BACH2: variants seen among roughly 807,000 people sequenced by gnomAD.
BACH2 encodes BACH transcriptional regulator 2, also known as transcription regulator protein BACH2.
Under a neutral mutation model 61.8 loss-of-function variants are expected in BACH2, and 5 were observed. The ratio of observed to expected loss-of-function variants is 0.08; its 90% CI spans 0.04 to 0.17. BACH2 has a LOEUF of 0.17. Among genes scored for constraint, BACH2 ranks in the 10% least tolerant of loss-of-function variants. The pLI is 1.00. For missense variants in BACH2, 824 were observed against 1,091.1 expected (o/e 0.76, Z 3.45); for synonymous variants, 446 against 440.1 (o/e 1.01, Z -0.17).
intron 3 of BACH2, among the ~76,000 whole-genome samples, chr6:90,211,615 T>TGC (rs1403121474): frequency 6.6e-6 from 1 of 151,382 alleles, no homozygotes; most frequent in East Asian, 1.9e-4. Context: ...TGTGTGTGTG[T>TGC]GTGTGTGTGT....
At chr6:90,003,199 C>T (rs543824473) in intron 6 of BACH2, among the ~76,000 whole-genome samples, 41 of 152,302 alleles carry the variant, frequency 2.7e-4, no homozygotes, top group African/African-American at 8.2e-4. Flanking sequence ...GTGAGGTGCA[C>T]AGTCTGGACC....
intron 1 of BACH2, among the ~76,000 whole-genome samples, chr6:90,282,521 T>TATGTACCAC (rs137957175): frequency 1.7e-3 from 255 of 152,302 alleles, no homozygotes; most frequent in African/African-American, 5.2e-3. Context: ...TTCCATGGTG[T>TATGTACCAC]ATGTACCACA....
chr6:90,011,351 T>C (rs1435025088), intron 5 of BACH2, among the ~76,000 whole-genome samples: 1 of 152,238 alleles, frequency 6.6e-6, no homozygotes, highest in Non-Finnish European at 1.5e-5. Flanking sequence ...TGAAAATCAG[T>C]TGTTTTTACA....
At chr6:90,214,752 T>C (rs1441843123) in intron 3 of BACH2, among the ~76,000 whole-genome samples, 1 of 63,954 alleles carries the variant, frequency 1.6e-5, no homozygotes, top group Non-Finnish European at 2.6e-5. Flanking sequence ...ATTCTGTTCC[T>C]TTTTTTTTTT....
rs547037033 is a variant in BACH2 at position 90,130,185 on chromosome 6, G to A, written c.-161-41076C>T. ...GGTGCCTGGCCAGCTTTTGGGATTT[G>A]TTAGAGTACACCGTTGACTGGTGGA... is the stretch of plus-strand genomic sequence containing the variant. On this transcript the variant is annotated intron_variant, in intron 4 of 8. Transcript: ENST00000257749. Among the ~76,000 whole-genome samples the A allele has an allele frequency of 3.5e-4, 53 of 152,128 alleles. 1 individual carries two copies. In the South Asian group the frequency reaches 0.011, roughly 31 times the overall value.
In BACH2 at chr6:89,932,669, A is replaced by G. The variant is rs773849871; in HGVS notation, c.2265T>C (p.Ile755=). ...CCCCCACTGCGCATTGGGAGGCCGC[A>G]ATGTTCTGCTCAGCACCCAAGGGCG... ...NPAPLGAEQN[I]AASQCAVGEN... The change falls in exon 9 of 9, where the codon ATT becomes ATC. Residue 755 remains isoleucine (I), a synonymous_variant. Coordinates refer to ENST00000257749, the MANE Select transcript of BACH2 (RefSeq NM_021813.4). 4 of 1,614,088 alleles carry G rather than the reference A, an allele frequency of 2.5e-6. No homozygotes were observed. The highest frequency in any genetic ancestry group is 3.4e-6 in the Non-Finnish European group (4 of 1,179,996).
At chr6:90,274,714 GAAAAA>G (rs1432477302) in intron 1 of BACH2, among the ~76,000 whole-genome samples, 1 of 152,182 alleles carries the variant, frequency 6.6e-6, no homozygotes, top group Admixed American at 6.5e-5. Context: ...TGTGAAAAGG[GAAAAA>G]ATCTTTAACT....
chr6:89,997,038 C>T lies in BACH2; in HGVS notation c.243+11564G>A, dbSNP rs550352800. Reference sequence around the variant, plus strand: ...ACACACACACACACACACATGCATGCTCCTCTGAACGTAATTCTGTATTTT... The same window carrying T: ...ACACACACACACACACACATGCATGTTCCTCTGAACGTAATTCTGTATTTT... On this transcript the variant is annotated intron_variant, in intron 6 of 8. Transcript: ENST00000257749. Among the ~76,000 whole-genome samples the T allele has an allele frequency of 1.9e-3, 290 of 151,906 alleles. No homozygotes were observed. The Middle Eastern group carries it at 0.024, about 13-fold the overall frequency.
intron 3 of BACH2, among the ~76,000 whole-genome samples, chr6:90,210,318 C>T (rs1361966172): frequency 1.9e-5 from 1 of 52,908 alleles, no homozygotes; most frequent in Non-Finnish European, 6.2e-5. Flanking sequence ...AAACAACACA[C>T]ACACACACAC....
intron 4 of BACH2, among the ~76,000 whole-genome samples, chr6:90,094,409 C>T (rs1782298855): frequency 1.3e-5 from 2 of 152,286 alleles, no homozygotes; most frequent in South Asian, 4.1e-4. Context: ...AATCTAATAC[C>T]AAGAACATAA....
intron 3 of BACH2, among the ~76,000 whole-genome samples, chr6:90,214,358 G>T (rs533062768): frequency 1.3e-3 from 203 of 151,632 alleles, no homozygotes; most frequent in South Asian, 4.2e-3. Context: ...TTGGCGGGGC[G>T]GGGGGAGGGG....
intron 6 of BACH2, among the ~76,000 whole-genome samples, chr6:90,005,231 G>A (rs987288435): frequency 4.6e-5 from 7 of 152,026 alleles, no homozygotes; most frequent in East Asian, 1.9e-4. Context: ...GTTTGTGTTC[G>A]GAAGTTTCAG....
chr6:90,183,262 G>A (rs1258948716), intron 4 of BACH2, among the ~76,000 whole-genome samples: 5 of 152,216 alleles, frequency 3.3e-5, no homozygotes, highest in Admixed American at 6.5e-5. Flanking sequence ...TTTGTTGTAT[G>A]AAGCAGAAAG....
At chr6:89,991,461 G>A (rs1202211527) in intron 6 of BACH2, among the ~76,000 whole-genome samples, 6 of 151,990 alleles carry the variant, frequency 3.9e-5, no homozygotes, top group Non-Finnish European at 7.4e-5. Context: ...TCCTGTTCAC[G>A]TAAGCGTGCA....
chr6:90,042,157 C>T (rs1055312686), intron 5 of BACH2, among the ~76,000 whole-genome samples: 2 of 152,072 alleles, frequency 1.3e-5, no homozygotes, highest in Admixed American at 6.6e-5. Flanking sequence ...TAAAGGAACC[C>T]AGCAGTAAGT....
intron 5 of BACH2, among the ~76,000 whole-genome samples, chr6:90,084,021 T>C (rs1229595496): frequency 1.3e-5 from 2 of 149,240 alleles, no homozygotes; most frequent in Non-Finnish European, 3.0e-5. Flanking sequence ...ACCCCACCTT[T>C]ACTCAAAACC....
chr6:90,030,114 T>C (rs1263507973), intron 5 of BACH2, among the ~76,000 whole-genome samples: 1 of 152,214 alleles, frequency 6.6e-6, no homozygotes, highest in Non-Finnish European at 1.5e-5. Flanking sequence ...TGTTCTCTCC[T>C]GGTAAAAGCT....
chr6:90,112,944 G>A (rs1485550662), intron 4 of BACH2, among the ~76,000 whole-genome samples: 1 of 151,986 alleles, frequency 6.6e-6, no homozygotes, highest in Non-Finnish European at 1.5e-5. Context: ...AAAAAAGCAG[G>A]GGTTACAATC....
intron 4 of BACH2, among the ~76,000 whole-genome samples, chr6:90,119,030 T>C (rs1783516782): frequency 6.6e-6 from 1 of 152,230 alleles, no homozygotes; most frequent in South Asian, 2.1e-4. Context: ...ATCTATCAAA[T>C]GTTCAGAATA....
Sources: allele counts gnomAD v4.1 joint callset (sites outside exome capture counted in the v4.1 genomes callset), GRCh38; gene constraint gnomAD v4.1.1; transcripts MANE v1.5; gene names NCBI Gene and HGNC (gene_info 2026-07-23, HGNC 2026-07-21).